The following MACROD1 variants were observed in gnomAD, a reference collection of about 807,000 sequenced individuals.
MACROD1 encodes the protein mono-ADP ribosylhydrolase 1, also known as ADP-ribose glycohydrolase MACROD1.
Under a neutral mutation model 41.4 loss-of-function variants are expected in MACROD1, and 31 were observed. The observed-to-expected ratio is 0.75, with a 90% CI of 0.56 to 1.01. MACROD1 has a LOEUF of 1.01. Ranked by LOEUF, MACROD1 falls within the 50% of genes least tolerant of loss-of-function variation. The pLI is 0.00. For missense variants in MACROD1, 473 were observed against 460.0 expected, an observed-to-expected ratio of 1.03 and a Z score of -0.26; for synonymous variants, 252 against 203.4, an observed-to-expected ratio of 1.24 and a Z score of -2.03.
chr11:64,133,434 C>T (rs759600817), intron 3 of MACROD1, among the ~76,000 whole-genome samples: 4 of 152,204 alleles, frequency 2.6e-5, no homozygotes, highest in South Asian at 2.1e-4. Flanking sequence ...GGGAGGCACA[C>T]GCAATGTGAG....
chr11:64,114,192 T>A (rs1224629066), intron 3 of MACROD1, among the ~76,000 whole-genome samples: 8 of 104,682 alleles, frequency 7.6e-5, no homozygotes, highest in East Asian at 2.9e-4. Flanking sequence ...GGATGGATGG[T>A]TAGATGGATG....
At chr11:64,104,674 G>T (rs1222455740) in intron 3 of MACROD1, among the ~76,000 whole-genome samples, 1 of 152,182 alleles carries the variant, frequency 6.6e-6, no homozygotes, top group Non-Finnish European at 1.5e-5. Flanking sequence ...AGGGGACCCA[G>T]GGTGGGTTGA....
rs920676892 is a variant in MACROD1 at position 64,165,790 on chromosome 11, C to T, written c.205G>A (p.Val69Met). ...AGVGAWGAAA[V>M]GRTAGVRTWA... ...GTGCGCACCCCGGCTGTCCGCCCCA[C>T]CGCCGCCGCCCCCCACGCCCCAACT... Residue 69 changes from valine (V) to methionine (M), a missense_variant, in exon 1 of 11, where the codon GTG becomes ATG. Transcript: ENST00000255681. 4.7e-6 allele frequency: 7 copies of T among 1,482,966 alleles called. No homozygotes were observed. In the African/African-American group the frequency reaches 1.0e-4, roughly 22 times the overall value. 91.9% of individuals were successfully genotyped at this position (1,482,966 alleles called of 1,614,324 possible). A position where few individuals can be genotyped will look rare whatever the true frequency, so the allele number is the denominator to read the frequency against.
intron 3 of MACROD1, among the ~76,000 whole-genome samples, chr11:64,041,517 T>A (rs1943487126): frequency 6.8e-6 from 1 of 146,742 alleles, no homozygotes; most frequent in South Asian, 2.3e-4. Context: ...GAGGGTGTGT[T>A]GGGGGACACC....
At chr11:64,048,961 C>T (rs776023627) in intron 3 of MACROD1, among the ~76,000 whole-genome samples, 6 of 144,942 alleles carry the variant, frequency 4.1e-5, no homozygotes, top group Non-Finnish European at 9.0e-5. Context: ...GCCTGTCATC[C>T]CATTTTAGAG....
At chr11:64,133,624 C>A (rs1239198722) in intron 3 of MACROD1, among the ~76,000 whole-genome samples, 2 of 152,234 alleles carry the variant, frequency 1.3e-5, no homozygotes, top group Non-Finnish European at 2.9e-5. Context: ...CTGCCACCCG[C>A]CCCAGCCTCC....
chr11:64,018,880 C>A (rs549327200), intron 3 of MACROD1, among the ~76,000 whole-genome samples: 1 of 152,146 alleles, frequency 6.6e-6, no homozygotes. Context: ...TTGCTGAAGG[C>A]GTGGTGGCTT....
chr11:64,146,182 G>A lies in MACROD1; in HGVS notation c.517+5057C>T, dbSNP rs1945492955. 6.6e-6 allele frequency among the ~76,000 whole-genome samples: 1 copy of A among 152,166 alleles called. No homozygotes were observed. Among genetic ancestry groups the A allele is most frequent in the African/African-American group, 2.4e-5 (1 of 41,422 alleles). ...TGGTGCACCAGGAAACTCAAGGGCA[G>A]GGAGGTGGCCTAGTCAAGGTCACTG... is the stretch of plus-strand genomic sequence containing the variant. On this transcript the variant is annotated intron_variant, in intron 3 of 10. Transcript: ENST00000255681. This position sits in a 1 kb window ranked among gnomAD's most constrained non-coding sequence, Gnocchi z 4.7.
chr11:64,113,799 G>GA (rs1944909090), intron 3 of MACROD1, among the ~76,000 whole-genome samples: 1 of 149,626 alleles, frequency 6.7e-6, no homozygotes, highest in African/African-American at 2.5e-5. Flanking sequence ...GTGCATGCAT[G>GA]ATGGATGAAT....
At position 64,000,043 on chromosome 11, in the gene MACROD1, C is replaced by T. The variant is rs1156682087; in HGVS notation, c.664+184G>A. ...CCCCCAGCTCCATCCTCAGCCTCCA[C>T]GCACGGTCTCCCCCATGTGCTTCCT... is the stretch of plus-strand genomic sequence containing the variant. On this transcript the variant is annotated intron_variant, in intron 5 of 10. Coordinates refer to ENST00000255681, the MANE Select transcript of MACROD1 (RefSeq NM_014067.4). The T allele has an allele frequency of 9.5e-6, 6 of 633,140 alleles. No individual in the cohort carries two copies. In the Admixed American group the frequency reaches 1.2e-4, roughly 12 times the overall value. 39.2% of individuals were successfully genotyped at this position (633,140 alleles called of 1,614,324 possible).
intron 3 of MACROD1, chr11:64,116,479 G>T (rs1392287913): frequency 3.1e-6 from 5 of 1,613,776 alleles, no homozygotes; most frequent in Admixed American, 1.7e-5. Context: ...AACGACCGGG[G>T]ACTCACATCC....
intron 3 of MACROD1, among the ~76,000 whole-genome samples, chr11:64,094,734 A>G (rs986462671): frequency 3.3e-5 from 5 of 152,210 alleles, no homozygotes; most frequent in African/African-American, 1.2e-4. Flanking sequence ...AGGCCTCTCA[A>G]TGCTGACCCC....
At chr11:64,071,977 C>T (rs1211652949) in intron 3 of MACROD1, among the ~76,000 whole-genome samples, 2 of 152,222 alleles carry the variant, frequency 1.3e-5, no homozygotes, top group Admixed American at 6.5e-5. Flanking sequence ...CCGAGGGGAA[C>T]GGGCTGGCTC....
chr11:64,063,116 G>C (rs1339894270), intron 3 of MACROD1, among the ~76,000 whole-genome samples: 2 of 152,164 alleles, frequency 1.3e-5, no homozygotes, highest in Non-Finnish European at 2.9e-5. Context: ...GAACAACGCG[G>C]GCAGCAGAGA....
At chr11:64,098,458 G>A (rs115020212) in intron 3 of MACROD1, among the ~76,000 whole-genome samples, 65 of 152,296 alleles carry the variant, frequency 4.3e-4, no homozygotes, top group African/African-American at 1.5e-3. Flanking sequence ...GCCCCCACAC[G>A]GCAATGCTCT....
chr11:64,105,610 C>T (rs1036322065), intron 3 of MACROD1, among the ~76,000 whole-genome samples: 2 of 152,134 alleles, frequency 1.3e-5, no homozygotes, highest in African/African-American at 4.8e-5. Flanking sequence ...TGCTAAGAGG[C>T]GTGACCCCAC....
intron 3 of MACROD1, chr11:64,127,002 A>G (rs1490305856): frequency 6.6e-6 from 1 of 152,152 alleles, no homozygotes; most frequent in Non-Finnish European, 1.5e-5. Context: ...CTCAGGGCCC[A>G]GACCAGCCTG....
intron 3 of MACROD1, among the ~76,000 whole-genome samples, chr11:64,133,437 A>G (rs1421553509): frequency 2.0e-5 from 3 of 152,266 alleles, no homozygotes; most frequent in Non-Finnish European, 1.5e-5. Context: ...AGGCACACGC[A>G]ATGTGAGAGG....
intron 3 of MACROD1, among the ~76,000 whole-genome samples, chr11:64,039,416 G>A (rs1198787322): frequency 1.3e-5 from 2 of 152,144 alleles, no homozygotes; most frequent in African/African-American, 4.8e-5. Flanking sequence ...AGGTCGGGTG[G>A]TAGCGGGGGG....
Sources: allele counts gnomAD v4.1 joint callset (sites outside exome capture counted in the v4.1 genomes callset), GRCh38; gene constraint gnomAD v4.1.1; non-coding constraint Gnocchi (gnomAD v3.1); transcripts MANE v1.5; gene names NCBI Gene and HGNC (gene_info 2026-07-23, HGNC 2026-07-21).